The following AUTS2 variants were observed in gnomAD, a reference collection of about 807,000 sequenced individuals.
AUTS2 encodes autism susceptibility gene 2 protein.
A neutral mutation model predicts 112.4 loss-of-function variants in AUTS2; 17 were observed. The ratio of observed to expected loss-of-function variants is 0.15; its 90% CI spans 0.10 to 0.23. The LOEUF is 0.23. Ranked by LOEUF, AUTS2 falls within the 10% of genes least tolerant of loss-of-function variation. The pLI, the probability that AUTS2 is intolerant of heterozygous loss-of-function variation, is 1.00. For synonymous variants in AUTS2, 751 were observed against 702.7 expected, an observed-to-expected ratio of 1.07 and a Z score of -1.09; for missense variants, 1,510 against 1,701.6, an observed-to-expected ratio of 0.89 and a Z score of 1.98.
intron 4 of AUTS2, among the ~76,000 whole-genome samples, chr7:70,409,114 A>G (rs1794668534): frequency 6.6e-6 from 1 of 152,196 alleles, no homozygotes; most frequent in African/African-American, 2.4e-5. Context: ...TCACCACCTT[A>G]TGGCACTACT....
chr7:70,239,847 T>G (rs1812516902), intron 4 of AUTS2, among the ~76,000 whole-genome samples: 1 of 152,194 alleles, frequency 6.6e-6, no homozygotes, highest in South Asian at 2.1e-4. Flanking sequence ...TGTAAGGCAA[T>G]GTACATAAGA....
chr7:69,790,020 C>T (rs1476557951), intron 1 of AUTS2, among the ~76,000 whole-genome samples: 1 of 151,944 alleles, frequency 6.6e-6, no homozygotes, highest in Non-Finnish European at 1.5e-5. Flanking sequence ...GTGGATCACA[C>T]CTGTAATCCC....
At chr7:69,702,897 A>G (rs765990954) in intron 1 of AUTS2, among the ~76,000 whole-genome samples, 6 of 152,194 alleles carry the variant, frequency 3.9e-5, no homozygotes, top group Non-Finnish European at 1.5e-5. Flanking sequence ...ACATTTATTG[A>G]ATTTCACTTA....
intron 1 of AUTS2, among the ~76,000 whole-genome samples, chr7:69,811,063 C>G (rs1212957066): frequency 1.3e-5 from 2 of 152,154 alleles, no homozygotes; most frequent in Non-Finnish European, 2.9e-5. Context: ...TTGTGTGTCT[C>G]TCATTTGAGA....
At chr7:69,701,644 A>G (rs950655096) in intron 1 of AUTS2, among the ~76,000 whole-genome samples, 2 of 152,226 alleles carry the variant, frequency 1.3e-5, no homozygotes, top group Non-Finnish European at 2.9e-5. Context: ...TGAAATAAGG[A>G]TAAGAGGGAT....
intron 1 of AUTS2, among the ~76,000 whole-genome samples, chr7:69,601,995 G>T (rs1199466627): frequency 9.4e-5 from 14 of 149,148 alleles, no homozygotes; most frequent in South Asian, 2.1e-4. Flanking sequence ...ATTTTTGGAG[G>T]ACAAGTAGGG....
chr7:70,367,315 G>A (rs975051696), intron 4 of AUTS2, among the ~76,000 whole-genome samples: 2 of 151,656 alleles, frequency 1.3e-5, no homozygotes, highest in African/African-American at 4.9e-5. Flanking sequence ...CCAGCACTTT[G>A]GAAGGCCAAG....
intron 4 of AUTS2, among the ~76,000 whole-genome samples, chr7:70,297,844 A>G (rs1789016911): frequency 6.6e-6 from 1 of 152,136 alleles, no homozygotes; most frequent in Non-Finnish European, 1.5e-5. Context: ...ATTTTCACAG[A>G]CAAAACATTT....
At chr7:70,425,486 A>G (rs1795394919) in intron 4 of AUTS2, among the ~76,000 whole-genome samples, 1 of 152,198 alleles carries the variant, frequency 6.6e-6, no homozygotes, top group South Asian at 2.1e-4. Context: ...CTACTCCAAG[A>G]GGAGATTCCT....
chr7:70,683,552 C>T lies in AUTS2; in HGVS notation c.691-15017C>T, dbSNP rs1048459753. Among the ~76,000 whole-genome samples, 4 of 152,104 alleles carry T rather than the reference C, an allele frequency of 2.6e-5. No homozygotes were observed. The East Asian group carries it at 5.8e-4, about 22-fold the overall frequency. ...GGAATGGCAGTGTCCAGAGGTGAGC[C>T]GAGAAACAACTACATGTTATATATT... On this transcript the variant is annotated intron_variant, in intron 5 of 18. Transcript: ENST00000342771.
intron 2 of AUTS2, among the ~76,000 whole-genome samples, chr7:70,045,715 T>G (rs1801471126): frequency 6.6e-6 from 1 of 151,426 alleles, no homozygotes; most frequent in Non-Finnish European, 1.5e-5. Context: ...TTCAAACAGT[T>G]CTCCTGCCCC....
At chr7:70,191,177 T>TC (rs1809865547) in intron 4 of AUTS2, among the ~76,000 whole-genome samples, 1 of 143,202 alleles carries the variant, frequency 7.0e-6, no homozygotes, top group African/African-American at 2.6e-5. Flanking sequence ...TTTTTTTTTT[T>TC]TTTTTTTTTG....
chr7:70,350,178 A>G (rs997452716), intron 4 of AUTS2, among the ~76,000 whole-genome samples: 7 of 152,206 alleles, frequency 4.6e-5, no homozygotes, highest in Non-Finnish European at 8.8e-5. Context: ...TGAAGAGTGG[A>G]TGGAGTTAAC....
intron 10 of AUTS2, among the ~76,000 whole-genome samples, chr7:70,769,188 A>G (rs1790155678): frequency 6.6e-6 from 1 of 152,182 alleles, no homozygotes; most frequent in Admixed American, 6.5e-5. Context: ...AAGAAGTTAG[A>G]AAAGTGTATT....
chr7:70,664,799 G>A (rs549581139), intron 5 of AUTS2, among the ~76,000 whole-genome samples: 10 of 152,230 alleles, frequency 6.6e-5, no homozygotes, highest in South Asian at 4.2e-4. Flanking sequence ...GGTCAGGCAC[G>A]GTGCCCCGCG....
At chr7:69,964,490 T>C (rs1281045684) in intron 2 of AUTS2, among the ~76,000 whole-genome samples, 3 of 152,202 alleles carry the variant, frequency 2.0e-5, no homozygotes, top group East Asian at 1.9e-4. Context: ...GAATGACTGC[T>C]AAAATTTAGT....
chr7:70,246,219 A>G (rs1029316392), intron 4 of AUTS2, among the ~76,000 whole-genome samples: 1 of 152,106 alleles, frequency 6.6e-6, no homozygotes, highest in African/African-American at 2.4e-5. Context: ...TGAGTTTATC[A>G]AACTTTTCCT....
chr7:70,560,070 C>G lies in AUTS2; in HGVS notation c.690+124289C>G, dbSNP rs555069704. ...TGGTCTGGCCTTCCAACAAGCTGAG[C>G]TAATTTGCACCACAGAGATTGGTTC... On this transcript the variant is annotated intron_variant, in intron 5 of 18. Transcript: ENST00000342771. 1.2e-4 allele frequency among the ~76,000 whole-genome samples: 19 copies of G among 152,318 alleles called. 1 individual carries two copies. In the South Asian group the frequency reaches 3.5e-3, roughly 28 times the overall value.
Position 69,842,290 on chromosome 7 carries a change from A to G in AUTS2, c.310-56996A>G, listed in dbSNP as rs183715236. Among the ~76,000 whole-genome samples, 767 of 152,324 alleles carry G rather than the reference A, an allele frequency of 5.0e-3. 2 individuals are homozygous for G. The highest frequency in any genetic ancestry group is 7.0e-3 in the Non-Finnish European group (477 of 68,018). ...GCAAAGAAGTGGATGAAATGCTAAT[A>G]TAAGAAAATTAGATTTTATAAGGAA... On this transcript the variant is annotated intron_variant, in intron 1 of 18. Transcript: ENST00000342771.
Sources: allele counts gnomAD v4.1 joint callset (sites outside exome capture counted in the v4.1 genomes callset), GRCh38; gene constraint gnomAD v4.1.1; transcripts MANE v1.5; gene names NCBI Gene and HGNC (gene_info 2026-07-23, HGNC 2026-07-21).